The following FAM120A variants were observed in gnomAD, a reference collection of about 807,000 sequenced individuals.
The protein encoded by FAM120A is family with sequence similarity 120 member A, also known as constitutive coactivator of PPAR-gamma-like protein 1.
In FAM120A, 15 loss-of-function variants were observed where a neutral mutation model predicts 109.7. The ratio of observed to expected loss-of-function variants is 0.14; its 90% confidence interval spans 0.09 to 0.21. The LOEUF is 0.21. Among genes scored for constraint, FAM120A ranks in the 10% least tolerant of loss-of-function variants. FAM120A has a pLI of 1.00. For synonymous variants in FAM120A, 493 were observed against 572.8 expected (o/e 0.86, Z 1.99); for missense variants, 899 against 1,439.3 (o/e 0.62, Z 6.07).
rs1372940130 is a variant in FAM120A, at chr9:93,565,682, A to C, written c.*1142A>C. ...CAAATATGAAATTCTGTGAAAAAAA[A>C]CCCTTTGATCTTAAAAAAAAAAAAA... On this transcript the variant is annotated 3_prime_UTR_variant, in exon 18 of 18. Transcript: ENST00000277165. 2.7e-5 allele frequency: 4 copies of C among 149,788 alleles called. No homozygotes were observed. The highest frequency in any genetic ancestry group is 4.9e-5 in the African/African-American group (2 of 40,414). The allele number at this position is 149,788 out of a possible 1,614,324, so 9.3% of individuals were successfully genotyped here. A position where few individuals can be genotyped will look rare whatever the true frequency, so the allele number is the denominator to read the frequency against.
chr9:93,491,016 TGATA>T (rs1380736394), intron 3 of FAM120A, among the ~76,000 whole-genome samples: 3 of 152,188 alleles, frequency 2.0e-5, no homozygotes, highest in Non-Finnish European at 4.4e-5. Flanking sequence ...AACATGGGCC[TGATA>T]GATAGATTGG....
chr9:93,453,111 G>A, intron 1 of FAM120A: 6 of 1,025,528 alleles, frequency 5.9e-6, no homozygotes, highest in Non-Finnish European at 7.0e-6. Context: ...AGGTCTTTAA[G>A]GCAGTTCGGT....
chr9:93,547,455 C>G (rs1254423246), intron 11 of FAM120A, among the ~76,000 whole-genome samples: 2 of 152,170 alleles, frequency 1.3e-5, no homozygotes, highest in Non-Finnish European at 2.9e-5. Flanking sequence ...TTTTGGAGCT[C>G]TGGCTTTACC....
At position 93,498,302 on chromosome 9, in the gene FAM120A, A is replaced by G. The variant is rs1859658750; in HGVS notation, c.934-488A>G. On this transcript the variant is annotated intron_variant, in intron 4 of 17. Transcript: ENST00000277165. This position sits in a 1 kb window ranked among gnomAD's most constrained non-coding sequence, Gnocchi z 4.4. ...CAGCTACTCGGGATGCTGAGGCAGG[A>G]GAATCGCTTGAAACCGTAAGGCAGA... is the stretch of plus-strand genomic sequence containing the variant. 6.6e-6 allele frequency among the ~76,000 whole-genome samples: 1 copy of G among 152,242 alleles called. No individual in the cohort carries two copies. Among genetic ancestry groups the G allele is most frequent in the South Asian group, 2.1e-4 (1 of 4,832 alleles).
At chr9:93,551,788 A>G (rs1449003132) in intron 12 of FAM120A, among the ~76,000 whole-genome samples, 1 of 152,230 alleles carries the variant, frequency 6.6e-6, no homozygotes, top group Non-Finnish European at 1.5e-5. Context: ...TGACTTAGAA[A>G]TAAGCTAAGT....
chr9:93,459,854 C>T (rs1487861305), intron 1 of FAM120A, among the ~76,000 whole-genome samples: 2 of 152,116 alleles, frequency 1.3e-5, no homozygotes, highest in Non-Finnish European at 2.9e-5. Flanking sequence ...ATAATGTGGC[C>T]TAAAATACCA....
At chr9:93,485,002 C>A (rs1858980503) in intron 3 of FAM120A, among the ~76,000 whole-genome samples, 1 of 152,162 alleles carries the variant, frequency 6.6e-6, no homozygotes, top group African/African-American at 2.4e-5. Context: ...AAACGTCAGC[C>A]CTGTTTCTAA....
chr9:93,539,321 T>TA (rs1343584503), intron 10 of FAM120A, among the ~76,000 whole-genome samples: 1 of 152,236 alleles, frequency 6.6e-6, no homozygotes, highest in Non-Finnish European at 1.5e-5. Context: ...TTTGCCAGTG[T>TA]AAAAAGTTGG....
intron 5 of FAM120A, among the ~76,000 whole-genome samples, chr9:93,513,212 A>T (rs2131397530): frequency 6.6e-6 from 1 of 152,364 alleles, no homozygotes; most frequent in African/African-American, 2.4e-5. Flanking sequence ...TCACCTGTGA[A>T]CAGTTTTTTA....
At chr9:93,517,786 C>T (rs983536980) in intron 7 of FAM120A, among the ~76,000 whole-genome samples, 2 of 152,010 alleles carry the variant, frequency 1.3e-5, no homozygotes, top group South Asian at 2.1e-4. Context: ...CTTGTTCCTC[C>T]GGTGGGGAGG....
chr9:93,505,051 GTTTTTTTTTTTTTT>G (rs768552939), intron 5 of FAM120A, among the ~76,000 whole-genome samples: 15 of 81,320 alleles, frequency 1.8e-4, no homozygotes, highest in East Asian at 3.3e-4. Context: ...GTTCGCTTGT[GTTTTTTTTTTTTTT>G]TTTTTTTTTT....
intron 2 of FAM120A, among the ~76,000 whole-genome samples, chr9:93,473,205 C>T (rs1858389266): frequency 6.6e-6 from 1 of 151,978 alleles, no homozygotes; most frequent in African/African-American, 2.4e-5. Context: ...TTAGTAGAGA[C>T]AGGGTTTCAC....
intron 3 of FAM120A, among the ~76,000 whole-genome samples, chr9:93,482,759 A>C (rs570101983): frequency 3.2e-4 from 48 of 152,110 alleles, no homozygotes; most frequent in African/African-American, 1.1e-3. Flanking sequence ...AGTCTAGTAG[A>C]CTGGCCCTTT....
In FAM120A at chr9:93,460,786, G is replaced by A. The variant is rs116341461; in HGVS notation, c.474+8397G>A. Among the ~76,000 whole-genome samples, 485 of 152,354 alleles carry A rather than the reference G, an allele frequency of 3.2e-3. 4 individuals carry two copies. The highest frequency in any genetic ancestry group is 0.011 in the African/African-American group (466 of 41,586). ...AATCACCAGTTACAGGCAAGGAAGT[G>A]TGATGGCAGAAAGATGGTAGGAAGC... On this transcript the variant is annotated intron_variant, in intron 1 of 17. Transcript: ENST00000277165.
At chr9:93,540,802 G>T (rs755376408) in intron 10 of FAM120A, among the ~76,000 whole-genome samples, 5 of 152,262 alleles carry the variant, frequency 3.3e-5, no homozygotes, top group Admixed American at 1.3e-4. Flanking sequence ...GACGAACTCT[G>T]CAGAGGCCTA....
chr9:93,558,906 C>T (rs1430553996), intron 15 of FAM120A, among the ~76,000 whole-genome samples, 188 bp downstream of exon 15: 1 of 152,166 alleles, frequency 6.6e-6, no homozygotes, highest in Non-Finnish European at 1.5e-5. Context: ...GTCTCAGCAG[C>T]GGCTCTGCTG....
intron 12 of FAM120A, among the ~76,000 whole-genome samples, chr9:93,551,209 T>C (rs573600099): frequency 3.3e-4 from 50 of 152,342 alleles, no homozygotes; most frequent in Middle Eastern, 3.4e-3. Context: ...TTTCTATCCC[T>C]TTTTAAGTCA....
intron 2 of FAM120A, among the ~76,000 whole-genome samples, chr9:93,471,957 A>G (rs777548569): frequency 5.3e-5 from 8 of 152,210 alleles, no homozygotes; most frequent in Non-Finnish European, 1.0e-4. Context: ...TAACTATGAC[A>G]TTAGATTTTA....
In FAM120A at chr9:93,451,717, G is replaced by A. The variant is rs2131157463; in HGVS notation, c.-199G>A. ...TCGCAGCGGCGGCAGCGGCGGCGGCGGCAGGTCCCTCCCCAGACATGGCCC... is the reference window on the plus strand; with the variant it reads ...TCGCAGCGGCGGCAGCGGCGGCGGCAGCAGGTCCCTCCCCAGACATGGCCC... On this transcript the variant is annotated 5_prime_UTR_variant, in exon 1 of 18. Transcript: ENST00000277165. 1.0e-6 allele frequency: 1 copy of A among 984,884 alleles called. No individual in the cohort carries two copies. The highest frequency in any genetic ancestry group is 1.2e-6 in the Non-Finnish European group (1 of 832,658). 61.0% of individuals were successfully genotyped at this position (984,884 alleles called of 1,614,324 possible).
Sources: gnomAD v4.1 joint callset for allele counts (sites outside exome capture counted in the v4.1 genomes callset) on GRCh38, gnomAD v4.1.1 for gene constraint, Gnocchi (gnomAD v3.1) non-coding constraint, MANE v1.5 for transcripts, NCBI Gene and HGNC (gene_info 2026-07-23, HGNC 2026-07-21) for gene names.